The following CSMD1 variants were observed in gnomAD, a reference collection of about 807,000 sequenced individuals.
The protein encoded by CSMD1 is CUB and sushi domain-containing protein 1.
In CSMD1, 213 loss-of-function variants were observed where a neutral mutation model predicts 417.5. The ratio of observed to expected loss-of-function variants is 0.51; its 90% CI spans 0.46 to 0.57. The LOEUF is 0.57. Among genes scored for constraint, CSMD1 ranks in the 20% least tolerant of loss-of-function variants. The pLI is 0.00. For missense variants in CSMD1, 6,923 were observed against 4,529.7 expected, an observed-to-expected ratio of 1.53 and a Z score of -15.17; for synonymous variants, 2,862 against 1,736.8, an observed-to-expected ratio of 1.65 and a Z score of -16.11.
At chr8:4,789,126 G>C (rs1052965078) in intron 1 of CSMD1, among the ~76,000 whole-genome samples, 9 of 152,170 alleles carry the variant, frequency 5.9e-5, no homozygotes, top group African/African-American at 2.2e-4. Context: ...TGGGATTCTT[G>C]TAAGAGTTCA....
At chr8:3,777,162 C>G (rs1346741116) in intron 5 of CSMD1, among the ~76,000 whole-genome samples, 1 of 143,366 alleles carries the variant, frequency 7.0e-6, no homozygotes, top group Non-Finnish European at 1.5e-5. Flanking sequence ...ACACACACAT[C>G]ATATATATAT....
At chr8:4,801,314 G>A (rs1175263464) in intron 1 of CSMD1, among the ~76,000 whole-genome samples, 1 of 152,080 alleles carries the variant, frequency 6.6e-6, no homozygotes, top group Non-Finnish European at 1.5e-5. Context: ...AGACAAGGAG[G>A]GTGGAAGTGG....
intron 2 of CSMD1, among the ~76,000 whole-genome samples, chr8:4,585,374 C>CA (rs1376211193): frequency 6.6e-6 from 1 of 151,906 alleles, no homozygotes; most frequent in Non-Finnish European, 1.5e-5. Context: ...GGTTAATACA[C>CA]AATTTTTGAA....
intron 1 of CSMD1, among the ~76,000 whole-genome samples, chr8:4,881,741 T>C (rs907991437): frequency 6.6e-6 from 1 of 152,108 alleles, no homozygotes; most frequent in Non-Finnish European, 1.5e-5. Flanking sequence ...AGTGGTCTTT[T>C]TCTTTAGAGA....
intron 3 of CSMD1, among the ~76,000 whole-genome samples, chr8:4,329,680 T>G (rs746543870): frequency 6.6e-6 from 1 of 152,112 alleles, no homozygotes; most frequent in Non-Finnish European, 1.5e-5. Flanking sequence ...AAATCTCATG[T>G]TGAGATGTGA....
At chr8:4,526,037 G>C (rs1299160805) in intron 2 of CSMD1, among the ~76,000 whole-genome samples, 1 of 152,124 alleles carries the variant, frequency 6.6e-6, no homozygotes, top group Non-Finnish European at 1.5e-5. Context: ...TGGAGCGGGT[G>C]ATGAATTATC....
chr8:4,141,152 C>T (rs1054413666), intron 3 of CSMD1, among the ~76,000 whole-genome samples: 1 of 151,200 alleles, frequency 6.6e-6, no homozygotes, highest in African/African-American at 2.5e-5. Flanking sequence ...CAATAAGTAA[C>T]AGAACGTGTC....
chr8:4,420,134 A>C, intron 2 of CSMD1, 69 bp from the exon 3 acceptor site: 1 of 1,078,660 alleles, frequency 9.3e-7, no homozygotes, highest in Non-Finnish European at 1.4e-6. Flanking sequence ...TTATTTGATG[A>C]AGTCACTGAA....
intron 10 of CSMD1, among the ~76,000 whole-genome samples, chr8:3,558,214 C>G (rs150568979): frequency 2.0e-5 from 3 of 148,358 alleles, no homozygotes; most frequent in Non-Finnish European, 4.5e-5. Flanking sequence ...AGTAGTACCC[C>G]GTATCCCCTC....
At chr8:4,249,364 T>C (rs1440527660) in intron 3 of CSMD1, among the ~76,000 whole-genome samples, 1 of 152,254 alleles carries the variant, frequency 6.6e-6, no homozygotes, top group Non-Finnish European at 1.5e-5. Flanking sequence ...AGTCTACGGA[T>C]GTTTCATGTA....
chr8:4,471,689 G>A (rs930710626), intron 2 of CSMD1, among the ~76,000 whole-genome samples: 1 of 152,060 alleles, frequency 6.6e-6, no homozygotes, highest in East Asian at 1.9e-4. Flanking sequence ...AGCGAACGCA[G>A]AGAGAACACG....
chr8:4,506,353 C>G (rs1802526447), intron 2 of CSMD1, among the ~76,000 whole-genome samples: 1 of 151,846 alleles, frequency 6.6e-6, no homozygotes, highest in South Asian at 2.1e-4. Flanking sequence ...ACCGTAGCAC[C>G]CAGACTCCTT....
intron 6 of CSMD1, among the ~76,000 whole-genome samples, chr8:3,728,100 G>C (rs1802599855): frequency 6.6e-6 from 1 of 152,128 alleles, no homozygotes; most frequent in Non-Finnish European, 1.5e-5. Context: ...ATCTTGAATT[G>C]TAGCTCCCAT....
intron 3 of CSMD1, among the ~76,000 whole-genome samples, chr8:4,398,597 G>T (rs138091484): frequency 1.5e-3 from 232 of 151,808 alleles, no homozygotes; most frequent in African/African-American, 5.3e-3. Flanking sequence ...GGGTTTCACC[G>T]TGTTAGCCAG....
At chr8:4,016,641 G>A (rs905506731) in intron 4 of CSMD1, among the ~76,000 whole-genome samples, 3 of 152,174 alleles carry the variant, frequency 2.0e-5, no homozygotes, top group African/African-American at 7.2e-5. Context: ...TCTTTGCTTT[G>A]TCTTCTACAG....
At chr8:4,495,150 G>C (rs908452814) in intron 2 of CSMD1, among the ~76,000 whole-genome samples, 3 of 152,074 alleles carry the variant, frequency 2.0e-5, no homozygotes, top group Non-Finnish European at 4.4e-5. Context: ...AAGTGAGGTA[G>C]GAACCGGGAC....
intron 10 of CSMD1, among the ~76,000 whole-genome samples, chr8:3,514,932 A>C (rs533408776): frequency 6.6e-6 from 1 of 152,322 alleles, no homozygotes; most frequent in East Asian, 1.9e-4. Context: ...GCCCAAGCAA[A>C]TGTATTTGAA....
intron 2 of CSMD1, among the ~76,000 whole-genome samples, chr8:4,511,786 A>G (rs114257631): frequency 6.6e-6 from 1 of 152,096 alleles, no homozygotes; most frequent in African/African-American, 2.4e-5. Context: ...CTCCAAGAGG[A>G]CTCAATCATC....
At chr8:4,148,643 C>T (rs570121564) in intron 3 of CSMD1, among the ~76,000 whole-genome samples, 4 of 152,264 alleles carry the variant, frequency 2.6e-5, no homozygotes, top group African/African-American at 7.2e-5. Flanking sequence ...GAATCCTCAC[C>T]TTGTGGATGG....
Sources: gnomAD v4.1 joint callset for allele counts (sites outside exome capture counted in the v4.1 genomes callset) on GRCh38, gnomAD v4.1.1 for gene constraint, MANE v1.5 for transcripts, NCBI Gene and HGNC (gene_info 2026-07-23, HGNC 2026-07-21) for gene names.